LRP11: variants seen among roughly 807,000 people sequenced by gnomAD.
LRP11 encodes the protein LDL receptor related protein 11.
A neutral mutation model predicts 43.1 loss-of-function variants in LRP11; 25 were observed. The ratio of observed to expected loss-of-function variants is 0.58; its 90% confidence interval spans 0.42 to 0.81. The LOEUF (loss-of-function observed/expected upper bound fraction) is 0.81. Ranked by LOEUF, LRP11 falls within the 30% of genes least tolerant of loss-of-function variation. The pLI is 0.00. For missense variants in LRP11, 623 were observed against 665.1 expected (o/e 0.94, Z 0.70); for synonymous variants, 316 against 299.4 (o/e 1.06, Z -0.57).
At position 149,863,821 on chromosome 6, in the gene LRP11, T is replaced by C. The variant is rs778964132; in HGVS notation, c.200A>G (p.Gln67Arg). 2.1e-5 allele frequency: 32 copies of C among 1,509,152 alleles called. No individual in the cohort carries two copies. Among genetic ancestry groups the C allele is most frequent in the Middle Eastern group, 2.2e-4 (1 of 4,578 alleles). 93.5% of individuals were successfully genotyped at this position (1,509,152 alleles called of 1,614,324 possible). ...CAGCTCCTCCTGAGGCCGCTCCTGC[T>C]GCAGTTGCCGGCGGAACTCCTCCAG... ...QLLEEFRRQL[Q>R]QERPQEELEL... Residue 67 changes from glutamine to arginine, a missense_variant, in exon 1 of 7, where the codon CAG becomes CGG. By Grantham distance (43) the Gln-to-Arg change is conservative. Coordinates refer to ENST00000239367, the MANE Select transcript of LRP11 (RefSeq NM_032832.6).
At chr6:149,859,419 C>T (rs1254193243) in intron 1 of LRP11, among the ~76,000 whole-genome samples, 4 of 57,886 alleles carry the variant, frequency 6.9e-5, no homozygotes, top group South Asian at 6.4e-4. Flanking sequence ...TTTTTTTGAC[C>T]GAGTCTTGCT....
intron 1 of LRP11, among the ~76,000 whole-genome samples, chr6:149,855,032 T>G (rs940220291): frequency 6.6e-6 from 1 of 152,198 alleles, no homozygotes; most frequent in African/African-American, 2.4e-5. Flanking sequence ...TTCAGATGTT[T>G]AGGACCTAAC....
At chr6:149,855,860 C>T (rs887335181) in intron 1 of LRP11, among the ~76,000 whole-genome samples, 2 of 152,164 alleles carry the variant, frequency 1.3e-5, no homozygotes, top group African/African-American at 4.8e-5. Context: ...CAATCCCCTG[C>T]CTAGGAAGAA....
chr6:149,836,908 TCATTA>T (rs1776479184), intron 4 of LRP11, among the ~76,000 whole-genome samples: 1 of 152,198 alleles, frequency 6.6e-6, no homozygotes, highest in South Asian at 2.1e-4. Flanking sequence ...AATCCATACT[TCATTA>T]CATTTTCTTC....
At chr6:149,845,797 TC>T (rs781361837) in intron 2 of LRP11, among the ~76,000 whole-genome samples, 3 of 150,030 alleles carry the variant, frequency 2.0e-5, no homozygotes, top group Non-Finnish European at 4.4e-5. Context: ...TCTTATCTGG[TC>T]AGATAAGATC....
At chr6:149,823,073 C>T (rs1776296190) in intron 6 of LRP11, among the ~76,000 whole-genome samples, 1 of 103,566 alleles carries the variant, frequency 9.7e-6, no homozygotes, top group Non-Finnish European at 1.7e-5. Context: ...AAGCAGAGGA[C>T]CAAAAAAAAA....
At chr6:149,860,785 T>A (rs1776880334) in intron 1 of LRP11, among the ~76,000 whole-genome samples, 1 of 152,190 alleles carries the variant, frequency 6.6e-6, no homozygotes, top group Non-Finnish European at 1.5e-5. Flanking sequence ...AGCCTAGTGA[T>A]CCCTTTCTCA....
chr6:149,863,726 C>A lies in LRP11; in HGVS notation c.295G>T (p.Ala99Ser). Residue 99 changes from alanine (A) to serine (S), a missense_variant, in exon 1 of 7, where the codon GCA (alanine) becomes TCA (serine). Physicochemically the swap from Ala to Ser is moderately conservative, Grantham distance 99. Transcript: ENST00000239367. ...GTGCGGATGATGGCGTCAGGCATTG[C>A]GCTGTAGCCGCCGCTGCCCGGGCCC... is the stretch of plus-strand genomic sequence containing the variant. ...CPGPGSGGYSAMPDAIIRTKD... is the reference protein window; with the variant it reads ...CPGPGSGGYSSMPDAIIRTKD... 2 of 1,479,906 alleles carry A rather than the reference C, an allele frequency of 1.4e-6. No homozygotes were observed. Among genetic ancestry groups the A allele is most frequent in the Non-Finnish European group, 1.8e-6 (2 of 1,122,032 alleles). 91.7% of individuals were successfully genotyped at this position (1,479,906 alleles called of 1,614,324 possible).
At chr6:149,824,725 T>A (rs1386987951) in intron 6 of LRP11, among the ~76,000 whole-genome samples, 1 of 152,084 alleles carries the variant, frequency 6.6e-6, no homozygotes, top group Non-Finnish European at 1.5e-5. Context: ...CCAGGTGTGG[T>A]GGCATGCACC....
rs1309717650 is a variant in LRP11, at chr6:149,826,344, C to T, written c.1268G>A (p.Gly423Glu). ...ATAACTTTCCTCTTTTCTGTTCTTC[C>T]CTGAGGAACTACTATCTGCAGAAAA... ...IPVMPDSSSS[G>E]KNRKEESYIF... is the part of the protein sequence containing the mutation. The change falls in exon 6 of 7, where the codon GGG (glycine) becomes GAG (glutamate). Residue 423 changes from glycine to glutamate, a missense_variant. Physicochemically the swap from Gly to Glu is moderately conservative, Grantham distance 98. Transcript: ENST00000239367. The T allele has an allele frequency of 1.7e-5, 27 of 1,611,032 alleles. No individual in the cohort carries two copies. The highest frequency in any genetic ancestry group is 2.7e-5 in the African/African-American group (2 of 74,856).
In LRP11 at chr6:149,864,315, C is replaced by T; in HGVS notation, c.-295G>A. ...CGGCCTGCGGCGCGCTGGGTGGCGA[C>T]GAGTCGGCCTCGGCGTTGATCAGCA... On this transcript the variant is annotated 5_prime_UTR_variant, in exon 1 of 7. Coordinates refer to ENST00000239367, the MANE Select transcript of LRP11 (RefSeq NM_032832.6). 1 of 1,029,642 alleles carries T rather than the reference C, an allele frequency of 9.7e-7. No individual in the cohort carries two copies. Among genetic ancestry groups the T allele is most frequent in the Non-Finnish European group, 1.2e-6 (1 of 859,602 alleles). 63.8% of individuals were successfully genotyped at this position (1,029,642 alleles called of 1,614,324 possible).
intron 2 of LRP11, among the ~76,000 whole-genome samples, chr6:149,847,348 C>T (rs1157526673): frequency 6.6e-6 from 1 of 152,192 alleles, no homozygotes; most frequent in Non-Finnish European, 1.5e-5. Context: ...ACCTCAGCCT[C>T]CTGAGCACAC....
Position 149,836,276 on chromosome 6 carries a change from A to T in LRP11, c.1061T>A (p.Val354Glu). Residue 354 changes from valine to glutamate, a missense_variant, in exon 5 of 7, where the codon GTA (valine) becomes GAA (glutamate). Coordinates refer to ENST00000239367, the MANE Select transcript of LRP11 (RefSeq NM_032832.6). ...GGCAGGACTAGCTGCCGTGTGGGTTACCATCTTGCGGTCCAGGCCCACTGA... is the reference window on the plus strand; with the variant it reads ...GGCAGGACTAGCTGCCGTGTGGGTTTCCATCTTGCGGTCCAGGCCCACTGA... ...CQNLGLDRKM[V>E]THTAASPALP... is the part of the protein sequence containing the mutation. The T allele has an allele frequency of 3.1e-6, 5 of 1,614,142 alleles. No homozygotes were observed. The highest frequency in any genetic ancestry group is 4.2e-6 in the Non-Finnish European group (5 of 1,180,022).
At chr6:149,859,392 A>ATTTTTTTTTTTTTTTT (rs1379449979) in intron 1 of LRP11, among the ~76,000 whole-genome samples, 2 of 76,836 alleles carry the variant, frequency 2.6e-5, no homozygotes, top group African/African-American at 1.9e-4. Flanking sequence ...ATATATATAT[A>ATTTTTTTTTTTTTTTT]TATATTTTTT....
intron 6 of LRP11, among the ~76,000 whole-genome samples, chr6:149,821,929 CCCT>C (rs2115368834): frequency 6.6e-6 from 1 of 152,288 alleles, no homozygotes; most frequent in East Asian, 1.9e-4. Context: ...AATACCACCC[CCCT>C]CAAGATAAGC....
At chr6:149,832,477 C>T (rs769180188) in intron 5 of LRP11, among the ~76,000 whole-genome samples, 5 of 152,082 alleles carry the variant, frequency 3.3e-5, no homozygotes, top group African/African-American at 9.7e-5. Context: ...CATGAGCCAC[C>T]GCGCCCAGCC....
At position 149,863,412 on chromosome 6, in the gene LRP11, C is replaced by T. The variant is rs772283204; in HGVS notation, c.609G>A (p.Arg203=). Reference sequence around the variant, plus strand: ...GCCCCTCAGTCGCGCGCTTACCCTGCCGGGGCGAGGCGCGCGCGGTGGCCA... The same window carrying T: ...GCCCCTCAGTCGCGCGCTTACCCTGTCGGGGCGAGGCGCGCGCGGTGGCCA... ...AALATARASP[R]QEKDAPPLSK... The change falls in exon 1 of 7, where the codon CGG becomes CGA. Residue 203 remains arginine (R), a synonymous_variant. Transcript: ENST00000239367. 8.2e-6 allele frequency: 11 copies of T among 1,336,738 alleles called. No homozygotes were observed. Among genetic ancestry groups the T allele is most frequent in the South Asian group, 2.3e-5 (1 of 43,802 alleles). 82.8% of individuals were successfully genotyped at this position (1,336,738 alleles called of 1,614,324 possible).
At chr6:149,839,614 C>A (rs1375885293) in intron 3 of LRP11, among the ~76,000 whole-genome samples, 2 of 152,164 alleles carry the variant, frequency 1.3e-5, no homozygotes, top group South Asian at 2.1e-4. Flanking sequence ...ATCATGCATC[C>A]TGATCAATAA....
intron 1 of LRP11, among the ~76,000 whole-genome samples, chr6:149,860,278 C>G (rs962276283): frequency 1.3e-4 from 20 of 152,168 alleles, no homozygotes; most frequent in Admixed American, 1.1e-3. Context: ...AAATTCTTCC[C>G]CGAGATACTG....
Sources: gnomAD v4.1 joint callset for allele counts (sites outside exome capture counted in the v4.1 genomes callset) on GRCh38, gnomAD v4.1.1 for gene constraint, MANE v1.5 for transcripts, NCBI Gene and HGNC (gene_info 2026-07-23, HGNC 2026-07-21) for gene names.